The following MARCHF7 variants were observed in gnomAD, a reference collection of about 807,000 sequenced individuals.
MARCHF7 encodes the protein E3 ubiquitin-protein ligase MARCHF7.
MARCHF7 carries 20 observed loss-of-function variants against 76.5 expected under a neutral mutation model. The ratio of observed to expected loss-of-function variants is 0.26; its 90% CI spans 0.18 to 0.38. The LOEUF (loss-of-function observed/expected upper bound fraction) is 0.38, where lower values mean the gene tolerates loss of function less well. MARCHF7 is among the 10% of genes least tolerant of loss of function. The pLI is 1.00. For missense variants in MARCHF7, 797 were observed against 812.9 expected (o/e 0.98, Z 0.24); for synonymous variants, 295 against 293.0 (o/e 1.01, Z -0.07).
rs1705226504 is a variant in MARCHF7, at chr2:159,748,890, A to G, written c.1600A>G (p.Lys534Glu). Residue 534 changes from lysine to glutamate, a missense_variant, in exon 7 of 12, where the codon AAA becomes GAA. Physicochemically the swap from Lys to Glu is moderately conservative, Grantham distance 56 (BLOSUM62 1). Around this residue, in one of 3 missense-constraint regions of MARCHF7, gnomAD observed 643 missense variants for 631.5 expected, o/e 1.02. Transcript: ENST00000409175. The part of the protein sequence containing the change: ...APSRDPERLQ[K>E]IKESLLLEDS... Reference sequence around the variant, plus strand: ...TTCAAGAGATCCAGAAAGATTGCAGAAAATAAAAGAGAGGTAAATTCGAAT... The same window carrying G: ...TTCAAGAGATCCAGAAAGATTGCAGGAAATAAAAGAGAGGTAAATTCGAAT... 1 of 1,602,390 alleles carries G rather than the reference A, an allele frequency of 6.2e-7. No homozygotes were observed. The highest frequency in any genetic ancestry group is 8.5e-7 in the Non-Finnish European group (1 of 1,175,138).
At chr2:159,736,974 TCA>T (rs1394913137) in intron 4 of MARCHF7, among the ~76,000 whole-genome samples, 1 of 152,206 alleles carries the variant, frequency 6.6e-6, no homozygotes, top group Non-Finnish European at 1.5e-5. Context: ...ATTCACCATA[TCA>T]CAGATAGCCT....
chr2:159,752,284 T>TC, intron 7 of MARCHF7, 118 bp from the exon 8 acceptor site: 7 of 881,924 alleles, frequency 7.9e-6, no homozygotes, highest in Non-Finnish European at 9.4e-6. Context: ...TTTGCTTTTT[T>TC]CCACCCAGAG....
chr2:159,736,770 C>T (rs1478409347), intron 4 of MARCHF7, among the ~76,000 whole-genome samples: 2 of 152,046 alleles, frequency 1.3e-5, no homozygotes, highest in African/African-American at 4.8e-5. Context: ...AATTGGATGC[C>T]TGCTAGTTAT....
chr2:159,746,429 T>G (rs151281373), intron 6 of MARCHF7, among the ~76,000 whole-genome samples: 2 of 152,310 alleles, frequency 1.3e-5, no homozygotes, highest in African/African-American at 4.8e-5. Flanking sequence ...GAGATGGAGT[T>G]TTGCTCTTGT....
chr2:159,739,319 T>C (rs964693303), intron 4 of MARCHF7, among the ~76,000 whole-genome samples: 1 of 152,210 alleles, frequency 6.6e-6, no homozygotes, highest in Non-Finnish European at 1.5e-5. Context: ...CCAGATGAAC[T>C]GCTGCTGCCA....
chr2:159,731,111 C>G (rs545731256), intron 4 of MARCHF7, among the ~76,000 whole-genome samples: 3 of 152,242 alleles, frequency 2.0e-5, no homozygotes, highest in South Asian at 4.1e-4. Context: ...CCAGGCAGGT[C>G]TCACACTCCT....
At chr2:159,731,769 A>G (rs1211802256) in intron 4 of MARCHF7, among the ~76,000 whole-genome samples, 6 of 150,912 alleles carry the variant, frequency 4.0e-5, no homozygotes. Flanking sequence ...AAAAAATTCC[A>G]TTTCTTATTA....
chr2:159,742,867 G>T (rs539013222), intron 4 of MARCHF7, among the ~76,000 whole-genome samples, 194 bp from the exon 5 acceptor site: 6 of 151,988 alleles, frequency 3.9e-5, no homozygotes, highest in Non-Finnish European at 8.8e-5. Context: ...AACCCTGGAG[G>T]CAAAGGTTAC....
rs1705106067 is a variant in MARCHF7, at chr2:159,747,949, A to G, written c.659A>G (p.Asn220Ser). The G allele has an allele frequency of 6.2e-7, 1 of 1,613,968 alleles. No homozygotes were observed. Among genetic ancestry groups the G allele is most frequent in the Non-Finnish European group, 8.5e-7 (1 of 1,180,014 alleles). Residue 220 changes from asparagine to serine, a missense_variant, in exon 7 of 12, where the codon AAT becomes AGT. Physicochemically the swap from Asn to Ser is conservative, Grantham distance 46 (BLOSUM62 1). Transcript: ENST00000409175. Reference protein sequence around the residue: ...QTILSSRDSRNSLRSNFSSRE... With the variant: ...QTILSSRDSRSSLRSNFSSRE... ...ATACTAAGTTCTAGGGACTCCAGAA[A>G]TTCTTTAAGATCAAATTTTTCTTCA...
At chr2:159,760,670 T>C (rs1706921566) in intron 9 of MARCHF7, among the ~76,000 whole-genome samples, 1 of 152,062 alleles carries the variant, frequency 6.6e-6, no homozygotes, top group Admixed American at 6.5e-5. Flanking sequence ...TCTTCCTTCC[T>C]GAGATGCTTC....
intron 4 of MARCHF7, among the ~76,000 whole-genome samples, chr2:159,741,787 G>A (rs1318419621): frequency 1.3e-5 from 2 of 152,070 alleles, no homozygotes; most frequent in African/African-American, 4.8e-5. Context: ...ATGGTAACAT[G>A]CTTTAAAAAA....
At chr2:159,715,974 A>C (rs1040694968) in intron 3 of MARCHF7, among the ~76,000 whole-genome samples, 2 of 152,214 alleles carry the variant, frequency 1.3e-5, no homozygotes, top group Non-Finnish European at 2.9e-5. Flanking sequence ...GATTAAATTC[A>C]TTTCAAGGAG....
At chr2:159,743,358 G>A (rs1704378180) in intron 5 of MARCHF7, 105 bp downstream of exon 5, 2 of 1,019,078 alleles carry the variant, frequency 2.0e-6, no homozygotes, top group Admixed American at 2.7e-5. Context: ...GAAGACAGTG[G>A]GTCAGAAATG....
intron 5 of MARCHF7, 123 bp from the exon 6 acceptor site, chr2:159,745,647 C>A: frequency 1.5e-6 from 1 of 647,460 alleles, no homozygotes; most frequent in Non-Finnish European, 2.4e-6. Flanking sequence ...CAGAGTGAGA[C>A]TCCGTCTCAA....
chr2:159,740,319 A>G (rs1456311804), intron 4 of MARCHF7, among the ~76,000 whole-genome samples: 2 of 152,216 alleles, frequency 1.3e-5, no homozygotes, highest in Non-Finnish European at 2.9e-5. Context: ...TCTGTGCAAA[A>G]TGAGAAAAAT....
chr2:159,726,570 G>A (rs1399692047), intron 3 of MARCHF7, among the ~76,000 whole-genome samples: 1 of 152,040 alleles, frequency 6.6e-6, no homozygotes, highest in Admixed American at 6.6e-5. Context: ...CCAGATACAG[G>A]TTTTAATTTA....
intron 7 of MARCHF7, among the ~76,000 whole-genome samples, chr2:159,749,160 T>C (rs1705291726): frequency 6.6e-6 from 1 of 151,702 alleles, no homozygotes; most frequent in Non-Finnish European, 1.5e-5. Flanking sequence ...AGAATTTTAG[T>C]AGGGACGGGG....
intron 4 of MARCHF7, among the ~76,000 whole-genome samples, chr2:159,739,439 A>T (rs1703867308): frequency 6.6e-6 from 1 of 152,234 alleles, no homozygotes; most frequent in African/African-American, 2.4e-5. Flanking sequence ...TTGAAAACAT[A>T]CATCCATACA....
In MARCHF7 at chr2:159,748,080, C is replaced by CA; in HGVS notation, c.793dup (p.Arg265LysfsTer8). On this transcript the variant is annotated frameshift_variant, in exon 7 of 12. Transcript: ENST00000409175. LOFTEE classifies it high-confidence loss of function. ...CAATTCAGAAAGGGTTGTTTCATCT[C>CA]AAAGACCATTTCAAGAATCTTCTGA... is the stretch of plus-strand genomic sequence containing the variant. 1 of 1,614,156 alleles carries CA rather than the reference C, an allele frequency of 6.2e-7. No homozygotes were observed. The highest frequency in any genetic ancestry group is 8.5e-7 in the Non-Finnish European group (1 of 1,180,014).
Sources: gnomAD v4.1 joint callset for allele counts (sites outside exome capture counted in the v4.1 genomes callset) on GRCh38, gnomAD v4.1.1 for gene constraint, gnomAD v4.1.1 regional missense constraint, MANE v1.5 for transcripts, NCBI Gene and HGNC (gene_info 2026-07-23, HGNC 2026-07-21) for gene names.